The following GLO1 variants were observed in gnomAD, a reference collection of about 807,000 sequenced individuals.
GLO1 encodes lactoylglutathione lyase.
GLO1 carries 28 observed loss-of-function variants against 26.0 expected under a neutral mutation model. That is an observed-to-expected ratio of 1.08 (90% CI 0.80 to 1.48). The LOEUF (loss-of-function observed/expected upper bound fraction) is 1.48. Ranked by LOEUF, GLO1 falls within the 40% of genes most tolerant of loss-of-function variation. The pLI is 0.00. For synonymous variants in GLO1, 78 were observed against 77.6 expected (o/e 1.00, Z -0.03); for missense variants, 225 against 224.8 (o/e 1.00, Z -0.01).
chr6:38,687,083 C>T, intron 1 of GLO1, 109 bp from the exon 2 acceptor site: 1 of 1,477,100 alleles, frequency 6.8e-7, no homozygotes. Context: ...CTACCACCTA[C>T]AACTTGCAAG....
chr6:38,687,791 T>C (rs1481353973), intron 1 of GLO1, among the ~76,000 whole-genome samples: 2 of 152,206 alleles, frequency 1.3e-5, no homozygotes, highest in African/African-American at 2.4e-5. Context: ...AAGCTGACAC[T>C]GAGTAATTAA....
chr6:38,698,203 C>T (rs1295953701), intron 1 of GLO1, among the ~76,000 whole-genome samples: 4 of 152,216 alleles, frequency 2.6e-5, no homozygotes, highest in African/African-American at 9.6e-5. Flanking sequence ...ACCCTTCCCT[C>T]AAGTCCCACT....
At chr6:38,682,351 A>C (rs1009751731) in intron 4 of GLO1, among the ~76,000 whole-genome samples, 1 of 152,224 alleles carries the variant, frequency 6.6e-6, no homozygotes. Flanking sequence ...GCTCATATAC[A>C]GTCTAATCAG....
chr6:38,699,845 C>G (rs1220718502), intron 1 of GLO1, among the ~76,000 whole-genome samples: 2 of 152,162 alleles, frequency 1.3e-5, no homozygotes, highest in Non-Finnish European at 2.9e-5. Context: ...TGAACATAGA[C>G]CCTTATCAGT....
chr6:38,691,230 A>G (rs1258463035), intron 1 of GLO1, among the ~76,000 whole-genome samples: 1 of 152,192 alleles, frequency 6.6e-6, no homozygotes, highest in Non-Finnish European at 1.5e-5. Context: ...CAAAAGGTGG[A>G]CAATAGAAAT....
intron 1 of GLO1, among the ~76,000 whole-genome samples, chr6:38,701,923 C>T (rs9470918): frequency 0.092 from 13,891 of 150,668 alleles, 1,536 homozygotes; most frequent in African/African-American, 0.24. Context: ...GGTTACTGTG[C>T]CTGAATTTTT....
intron 3 of GLO1, chr6:38,683,216 A>G (rs1312133964): frequency 5.1e-6 from 1 of 195,384 alleles, no homozygotes; most frequent in Non-Finnish European, 1.0e-5. Context: ...TGAAACTGCC[A>G]CTTACTTGTT....
intron 3 of GLO1, chr6:38,683,197 T>C (rs1211702078): frequency 1.9e-5 from 4 of 216,202 alleles, no homozygotes; most frequent in Non-Finnish European, 3.7e-5. Flanking sequence ...AACATCTCCA[T>C]TCTATTGATG....
At chr6:38,683,558 T>G (rs944195948) in intron 3 of GLO1, among the ~76,000 whole-genome samples, 1 of 152,120 alleles carries the variant, frequency 6.6e-6, no homozygotes, top group African/African-American at 2.4e-5. Context: ...CAGGCAAATA[T>G]CTTACAATTT....
chr6:38,702,443 C>T (rs543570857), intron 1 of GLO1, among the ~76,000 whole-genome samples: 3 of 152,156 alleles, frequency 2.0e-5, no homozygotes, highest in Admixed American at 6.5e-5. Flanking sequence ...CTCCTGGGCC[C>T]CACGAAGATG....
At chr6:38,679,178 C>T (rs556262457) in intron 5 of GLO1, among the ~76,000 whole-genome samples, 1 of 152,112 alleles carries the variant, frequency 6.6e-6, no homozygotes, top group South Asian at 2.1e-4. Context: ...AAATGAAGTA[C>T]AGTGGATCAT....
chr6:38,692,705 A>G (rs967895821), intron 1 of GLO1, among the ~76,000 whole-genome samples: 1 of 151,748 alleles, frequency 6.6e-6, no homozygotes, highest in African/African-American at 2.4e-5. Context: ...AAATGCCCCC[A>G]TTCCTATTTT....
intron 3 of GLO1, among the ~76,000 whole-genome samples, chr6:38,684,070 A>T (rs1405007974): frequency 4.6e-5 from 7 of 151,916 alleles, no homozygotes; most frequent in Non-Finnish European, 8.8e-5. Flanking sequence ...ACAAACAAAC[A>T]AAAACTAGCT....
At position 38,703,094 on chromosome 6, in the gene GLO1, CGGA is replaced by C; in HGVS notation, c.-43_-41del. 1 of 1,178,350 alleles carries C rather than the reference CGGA, an allele frequency of 8.5e-7. No individual in the cohort carries two copies. Among genetic ancestry groups the C allele is most frequent in the Non-Finnish European group, 1.2e-6 (1 of 800,674 alleles). 73.0% of individuals were successfully genotyped at this position (1,178,350 alleles called of 1,614,324 possible). A position where few individuals can be genotyped will look rare whatever the true frequency, so the allele number is the denominator to read the frequency against. The stretch of plus-strand genomic sequence containing the variant: ...ATCACAGACGACGGGACCCAAGGAA[CGGA>C]GGAGTCACCCACACTACGCCTCGGC... On this transcript the variant is annotated 5_prime_UTR_variant, in exon 1 of 6. Coordinates refer to ENST00000373365, the MANE Select transcript of GLO1 (RefSeq NM_006708.3).
intron 1 of GLO1, among the ~76,000 whole-genome samples, chr6:38,695,898 T>A (rs1008686278): frequency 6.6e-6 from 1 of 152,190 alleles, no homozygotes; most frequent in Non-Finnish European, 1.5e-5. Flanking sequence ...CTTCTTCAGC[T>A]TCAAGTCTGG....
intron 1 of GLO1, among the ~76,000 whole-genome samples, chr6:38,694,474 T>A (rs1468154039): frequency 1.3e-5 from 2 of 151,572 alleles, no homozygotes; most frequent in African/African-American, 4.9e-5. Context: ...AGCCCCAGAG[T>A]TCAAGACCAG....
chr6:38,699,697 C>A (rs1190583776), intron 1 of GLO1, among the ~76,000 whole-genome samples: 1 of 152,078 alleles, frequency 6.6e-6, no homozygotes, highest in Non-Finnish European at 1.5e-5. Context: ...GATACGCCCT[C>A]GTCTCCTGCA....
intron 5 of GLO1, among the ~76,000 whole-genome samples, chr6:38,678,511 T>G (rs951352509): frequency 4.6e-5 from 7 of 152,158 alleles, no homozygotes; most frequent in African/African-American, 1.7e-4. Flanking sequence ...TGTTTTAACT[T>G]GGGCTGTGTG....
rs1428620679 is a variant in GLO1 at position 38,686,965 on chromosome 6, A to G, written c.94T>C (p.Leu32=). 3 of 1,601,894 alleles carry G rather than the reference A, an allele frequency of 1.9e-6. No homozygotes were observed. In the Admixed American group the frequency reaches 5.0e-5, roughly 27 times the overall value. Residue 32 remains leucine (L), a synonymous_variant, in exon 2 of 6, where the codon TTG becomes CTG. Transcript: ENST00000373365. ...TTCACTCGTAGCATGGTCTGCTGCA[A>G]TAGAAAATCCTATGGAAAAATATTT... ...DADPSTKDFL[L]QQTMLRVKDP...
Sources: allele counts gnomAD v4.1 joint callset (sites outside exome capture counted in the v4.1 genomes callset), GRCh38; gene constraint gnomAD v4.1.1; transcripts MANE v1.5; gene names NCBI Gene and HGNC (gene_info 2026-07-23, HGNC 2026-07-21).